Variants in TRPM3 observed in about 807,000 individuals in gnomAD.
The protein encoded by TRPM3 is long transient receptor potential channel 3.
In TRPM3, 77 loss-of-function variants were observed where a neutral mutation model predicts 181.2. The observed-to-expected ratio is 0.42, with a 90% CI of 0.35 to 0.51. The LOEUF is 0.51. TRPM3 is among the 20% of genes least tolerant of loss of function. The pLI is 0.01. For missense variants in TRPM3, 1,759 were observed against 2,196.7 expected (o/e 0.80, Z 3.98); for synonymous variants, 745 against 796.4 (o/e 0.94, Z 1.09).
At chr9:70,982,943 C>T (rs915078882) in intron 1 of TRPM3, among the ~76,000 whole-genome samples, 1 of 152,092 alleles carries the variant, frequency 6.6e-6, no homozygotes, top group Non-Finnish European at 1.5e-5. Context: ...TCGTGTTCCA[C>T]CTGCCTCGGC....
chr9:71,160,172 T>C (rs975387238), intron 1 of TRPM3, among the ~76,000 whole-genome samples: 2 of 152,138 alleles, frequency 1.3e-5, no homozygotes, highest in Admixed American at 1.3e-4. Flanking sequence ...CATTCTCCCC[T>C]AAAATATCTT....
In TRPM3 at chr9:71,283,549, C is replaced by A. The variant is rs879413490; in HGVS notation, c.183+163104G>T. Among the ~76,000 whole-genome samples, 4 of 152,272 alleles carry A rather than the reference C, an allele frequency of 2.6e-5. No individual in the cohort carries two copies. The East Asian group carries it at 7.7e-4, about 29-fold the overall frequency. On this transcript the variant is annotated intron_variant, in intron 1 of 24. Transcript: ENST00000357533. Reference sequence around the variant, plus strand: ...TCAATCTCCTGACCTCGTGATCCCCCGCCTTGGCCTCCCAAAGTGCTGGGA... The same window carrying A: ...TCAATCTCCTGACCTCGTGATCCCCAGCCTTGGCCTCCCAAAGTGCTGGGA...
chr9:71,385,027 G>A lies in TRPM3; in HGVS notation c.183+61626C>T, dbSNP rs181344780. 5.0e-3 allele frequency among the ~76,000 whole-genome samples: 757 copies of A among 152,252 alleles called. 3 individuals carry two copies. The highest frequency in any genetic ancestry group is 0.015 in the African/African-American group (626 of 41,542). The stretch of plus-strand genomic sequence containing the variant: ...ATGTTGCATCTTCTGAGATACCTCA[G>A]TTGAGACAGTCACATGATATCCTCC... On this transcript the variant is annotated intron_variant, in intron 1 of 24. Transcript: ENST00000357533.
intron 1 of TRPM3, among the ~76,000 whole-genome samples, chr9:71,019,568 A>G (rs1303547620): frequency 1.3e-5 from 2 of 152,168 alleles, no homozygotes; most frequent in African/African-American, 4.8e-5. Context: ...TATTGACAGG[A>G]GATTTTTAAA....
chr9:71,302,404 C>T (rs913182330), intron 1 of TRPM3, among the ~76,000 whole-genome samples: 70 of 152,114 alleles, frequency 4.6e-4, no homozygotes, highest in African/African-American at 1.5e-3. Context: ...AAATATTCTA[C>T]GAGCAATACT....
chr9:71,077,136 C>T (rs2063573996), intron 1 of TRPM3, among the ~76,000 whole-genome samples: 1 of 152,224 alleles, frequency 6.6e-6, no homozygotes, highest in African/African-American at 2.4e-5. Context: ...CAAATAAATT[C>T]ATACACCTAA....
chr9:70,823,226 T>A (rs1456503938), intron 6 of TRPM3, among the ~76,000 whole-genome samples: 1 of 152,160 alleles, frequency 6.6e-6, no homozygotes, highest in Non-Finnish European at 1.5e-5. Context: ...CAGTTATCTC[T>A]CACCTGCATT....
intron 1 of TRPM3, among the ~76,000 whole-genome samples, chr9:70,964,728 C>T (rs572962954): frequency 2.6e-4 from 39 of 152,030 alleles, no homozygotes; most frequent in Non-Finnish European, 4.6e-4. Flanking sequence ...TAGATATTTT[C>T]ATTAACCACA....
chr9:71,348,878 ATTAT>A (rs1268003730), intron 1 of TRPM3, among the ~76,000 whole-genome samples: 1 of 152,096 alleles, frequency 6.6e-6, no homozygotes, highest in Admixed American at 6.6e-5. Flanking sequence ...GCCAGTTTTG[ATTAT>A]TTATGACAGA....
intron 1 of TRPM3, among the ~76,000 whole-genome samples, chr9:71,136,548 C>A (rs935163452): frequency 6.6e-6 from 1 of 152,178 alleles, no homozygotes. Context: ...ATTTAATATC[C>A]TCCTCCTGAA....
intron 1 of TRPM3, among the ~76,000 whole-genome samples, chr9:71,224,193 T>C (rs764811423): frequency 6.6e-6 from 1 of 152,146 alleles, no homozygotes. Flanking sequence ...GCTCAGCACA[T>C]AGTGAGAAAT....
chr9:71,254,536 G>A (rs2082555654), intron 1 of TRPM3, among the ~76,000 whole-genome samples: 1 of 152,110 alleles, frequency 6.6e-6, no homozygotes, highest in Non-Finnish European at 1.5e-5. Context: ...ATGTTAACTA[G>A]CTCAAATTAG....
chr9:70,687,767 G>T (rs1174861511), intron 8 of TRPM3, among the ~76,000 whole-genome samples: 1 of 152,128 alleles, frequency 6.6e-6, no homozygotes, highest in Non-Finnish European at 1.5e-5. Flanking sequence ...CCCCTTAAAA[G>T]TCAGAAATCT....
chr9:71,356,027 C>A (rs115450834), intron 1 of TRPM3, among the ~76,000 whole-genome samples: 3 of 152,198 alleles, frequency 2.0e-5, no homozygotes, highest in Admixed American at 1.3e-4. Context: ...GGCTTCAATG[C>A]GTTCTCATTC....
intron 1 of TRPM3, among the ~76,000 whole-genome samples, chr9:71,222,878 A>G (rs1433710766): frequency 6.6e-6 from 1 of 152,206 alleles, no homozygotes; most frequent in Non-Finnish European, 1.5e-5. Context: ...GGAATTGCCC[A>G]TGGCAGAGAT....
At chr9:71,023,321 A>G (rs955680098) in intron 1 of TRPM3, among the ~76,000 whole-genome samples, 3 of 152,200 alleles carry the variant, frequency 2.0e-5, no homozygotes, top group African/African-American at 4.8e-5. Context: ...TGGTGAAAAT[A>G]AATAATAGCA....
chr9:70,929,929 A>G (rs1207351694), intron 1 of TRPM3, among the ~76,000 whole-genome samples: 1 of 152,206 alleles, frequency 6.6e-6, no homozygotes, highest in African/African-American at 2.4e-5. Flanking sequence ...AATCTTATGT[A>G]TCAACCAGTG....
intron 22 of TRPM3, among the ~76,000 whole-genome samples, chr9:70,570,507 C>T (rs1052544584): frequency 6.6e-6 from 1 of 151,998 alleles, no homozygotes; most frequent in African/African-American, 2.4e-5. Context: ...TGGGGTTTCA[C>T]CATGTTGGCC....
chr9:71,119,911 C>T (rs991753624), intron 1 of TRPM3, among the ~76,000 whole-genome samples: 1 of 152,166 alleles, frequency 6.6e-6, no homozygotes, highest in Non-Finnish European at 1.5e-5. Context: ...TAAATAGTCC[C>T]TAGGGAAGCA....
Sources: allele counts gnomAD v4.1 joint callset (sites outside exome capture counted in the v4.1 genomes callset), GRCh38; gene constraint gnomAD v4.1.1; transcripts MANE v1.5; gene names NCBI Gene and HGNC (gene_info 2026-07-23, HGNC 2026-07-21).